AVL9: variants seen among roughly 807,000 people sequenced by gnomAD.
AVL9 encodes AVL9 cell migration associated, also known as late secretory pathway protein AVL9 homolog.
In AVL9, 49 loss-of-function variants were observed where a neutral mutation model predicts 79.2. The observed-to-expected ratio is 0.62, with a 90% CI of 0.49 to 0.79. The LOEUF is 0.79. AVL9 is among the 30% of genes least tolerant of loss of function. The pLI is 0.00. For synonymous variants in AVL9, 299 were observed against 280.6 expected (o/e 1.07, Z -0.65); for missense variants, 682 against 776.8 (o/e 0.88, Z 1.45).
In AVL9 at chr7:32,579,439, A is replaced by T. The variant is rs13238186; in HGVS notation, c.1689-780A>T. ...ATGTTATATATATAATATATATATT[A>T]TATATAATATATTATATATTATATA... On this transcript the variant is annotated intron_variant, in intron 13 of 15. Coordinates refer to ENST00000318709, the MANE Select transcript of AVL9 (RefSeq NM_015060.3). Among the ~76,000 whole-genome samples, 3 of 10,234 alleles carry T rather than the reference A, an allele frequency of 2.9e-4. 1 individual carries two copies. Among genetic ancestry groups the T allele is most frequent in the Non-Finnish European group, 4.9e-4 (3 of 6,174 alleles). 6.7% of individuals were successfully genotyped at this position (10,234 alleles called of 152,430 possible).
intron 1 of AVL9, among the ~76,000 whole-genome samples, chr7:32,519,427 CAAAAA>C (rs60258831): frequency 8.0e-6 from 1 of 124,872 alleles, no homozygotes. Flanking sequence ...GACTCTGTCC[CAAAAA>C]AAAAAAAAAG....
chr7:32,517,506 AT>A (rs1562759106), intron 1 of AVL9, among the ~76,000 whole-genome samples: 1 of 151,992 alleles, frequency 6.6e-6, no homozygotes, highest in Non-Finnish European at 1.5e-5. Flanking sequence ...GGGTTTCACC[AT>A]CTTGGCCAGG....
Position 32,559,247 on chromosome 7 carries a change from CTT to C in AVL9, c.1000_1001del (p.Leu334GlyfsTer3). 6.2e-7 allele frequency: 1 copy of C among 1,614,248 alleles called. No homozygotes were observed. The highest frequency in any genetic ancestry group is 8.5e-7 in the Non-Finnish European group (1 of 1,180,028). ...GATTCTTCAGAAAGTGACTGGGAAA[CTT>C]TGGATCCTAGTGTCTTAGAGGACCC... On this transcript the variant is annotated frameshift_variant, in exon 10 of 16. Coordinates refer to ENST00000318709, the MANE Select transcript of AVL9 (RefSeq NM_015060.3). LOFTEE classifies it high-confidence loss of function.
At chr7:32,551,220 CTT>C (rs993887364) in intron 4 of AVL9, 112 bp from the exon 5 acceptor site, 1 of 693,386 alleles carries the variant, frequency 1.4e-6, no homozygotes, top group African/African-American at 1.8e-5. Flanking sequence ...TAGTTACTAA[CTT>C]TTTTCTCCAA....
chr7:32,568,097 T>C (rs1280644095), intron 10 of AVL9, among the ~76,000 whole-genome samples: 1 of 152,068 alleles, frequency 6.6e-6, no homozygotes, highest in Non-Finnish European at 1.5e-5. Context: ...ACTCCTGGAC[T>C]CAAGCAGGCC....
chr7:32,548,764 T>C, intron 3 of AVL9, 83 bp from the exon 4 acceptor site: 1 of 965,250 alleles, frequency 1.0e-6, no homozygotes, highest in Non-Finnish European at 1.5e-6. Context: ...TTCTTATATA[T>C]AATTTCTATT....
intron 10 of AVL9, among the ~76,000 whole-genome samples, chr7:32,561,077 C>T (rs1364769630): frequency 2.6e-5 from 4 of 152,116 alleles, no homozygotes; most frequent in African/African-American, 7.2e-5. Flanking sequence ...GCACAGGCAG[C>T]AGATTTAGCA....
intron 10 of AVL9, among the ~76,000 whole-genome samples, chr7:32,560,263 AAAAC>A (rs1562789398): frequency 1.5e-5 from 1 of 68,868 alleles, no homozygotes; most frequent in South Asian, 8.4e-4. Flanking sequence ...TTATTTTAAA[AAAAC>A]AACAAAGTGA....
At chr7:32,545,360 A>ATTTT (rs1789434369) in intron 3 of AVL9, among the ~76,000 whole-genome samples, 1 of 60,970 alleles carries the variant, frequency 1.6e-5, no homozygotes, top group Admixed American at 2.4e-4. Context: ...TATCTCTAAG[A>ATTTT]TTTCTTTTTT....
At chr7:32,553,368 C>CA (rs1344262239) in intron 6 of AVL9, among the ~76,000 whole-genome samples, 1 of 151,972 alleles carries the variant, frequency 6.6e-6, no homozygotes, top group African/African-American at 2.4e-5. Flanking sequence ...CTGCACTGTC[C>CA]AAAACAGTAG....
chr7:32,509,385 A>G (rs1787554401), intron 1 of AVL9, among the ~76,000 whole-genome samples: 1 of 152,154 alleles, frequency 6.6e-6, no homozygotes, highest in Non-Finnish European at 1.5e-5. Context: ...GTGAGTTCTC[A>G]GGGGTCACCT....
At chr7:32,555,424 C>G (rs1227340725) in intron 8 of AVL9, among the ~76,000 whole-genome samples, 2 of 152,184 alleles carry the variant, frequency 1.3e-5, no homozygotes, top group African/African-American at 4.8e-5. Context: ...CTCCTGTGGC[C>G]AAATACATGT....
intron 11 of AVL9, among the ~76,000 whole-genome samples, chr7:32,571,785 G>T (rs1455736961): frequency 6.6e-6 from 1 of 152,094 alleles, no homozygotes; most frequent in East Asian, 1.9e-4. Flanking sequence ...TGGGTGCGTA[G>T]GAATTTTTTT....
intron 3 of AVL9, among the ~76,000 whole-genome samples, chr7:32,548,176 C>G (rs1437330046): frequency 5.1e-3 from 124 of 24,204 alleles, no homozygotes; most frequent in Admixed American, 0.014. Flanking sequence ...GAGACGGAGT[C>G]TCACTCTTTC....
intron 1 of AVL9, among the ~76,000 whole-genome samples, chr7:32,517,596 G>A (rs1486203679): frequency 1.3e-5 from 2 of 151,994 alleles, no homozygotes; most frequent in African/African-American, 4.8e-5. Context: ...TAGCCACCAC[G>A]CCTGGCTGAC....
chr7:32,572,568 C>G (rs1219090090), intron 11 of AVL9, among the ~76,000 whole-genome samples: 3 of 150,262 alleles, frequency 2.0e-5, no homozygotes, highest in Admixed American at 2.0e-4. Context: ...TTTGGGAGGC[C>G]GAGGTGGGCA....
intron 1 of AVL9, among the ~76,000 whole-genome samples, chr7:32,516,783 A>AAG (rs60811801): frequency 1.4e-5 from 2 of 147,770 alleles, no homozygotes; most frequent in East Asian, 2.0e-4. Flanking sequence ...AAAAAAAAAA[A>AAG]GGTGGGAAAC....
In AVL9 at chr7:32,562,146, A is replaced by C. The variant is rs185655979; in HGVS notation, c.1215+2682A>C. Among the ~76,000 whole-genome samples the C allele has an allele frequency of 2.8e-3, 422 of 152,322 alleles. 2 individuals are homozygous for C. Among genetic ancestry groups the C allele is most frequent in the Non-Finnish European group, 3.4e-3 (233 of 68,020 alleles). ...GTGACAGAGACAGGGAAGTGAGCAC[A>C]GGCTGTTGGGAAAATGGCACTGACA... On this transcript the variant is annotated intron_variant, in intron 10 of 15. Coordinates refer to ENST00000318709, the MANE Select transcript of AVL9 (RefSeq NM_015060.3).
At chr7:32,576,546 G>A (rs2128152580) in intron 13 of AVL9, among the ~76,000 whole-genome samples, 1 of 152,294 alleles carries the variant, frequency 6.6e-6, no homozygotes, top group Middle Eastern at 3.4e-3. Context: ...CACTTTGGGA[G>A]GCCGAGGTGG....
Sources: gnomAD v4.1 joint callset for allele counts (sites outside exome capture counted in the v4.1 genomes callset) on GRCh38, gnomAD v4.1.1 for gene constraint, MANE v1.5 for transcripts, NCBI Gene and HGNC (gene_info 2026-07-23, HGNC 2026-07-21) for gene names.